The following MYO9B variants were observed in gnomAD, a reference collection of about 807,000 sequenced individuals.
The protein encoded by MYO9B is unconventional myosin-IXb.
A neutral mutation model predicts 229.5 loss-of-function variants in MYO9B; 71 were observed. The ratio of observed to expected loss-of-function variants is 0.31; its 90% CI spans 0.26 to 0.38. The LOEUF is 0.38. MYO9B is among the 10% of genes least tolerant of loss of function. The pLI is 1.00. For missense variants in MYO9B, 2,255 were observed against 2,920.5 expected (o/e 0.77, Z 5.25); for synonymous variants, 1,185 against 1,235.8 (o/e 0.96, Z 0.86).
intron 1 of MYO9B, among the ~76,000 whole-genome samples, chr19:17,081,256 G>C (rs75655336): frequency 0.018 from 2,745 of 152,200 alleles, 37 homozygotes; most frequent in South Asian, 0.044. Context: ...TTAAACTCCT[G>C]ACATCAGGTG....
chr19:17,145,984 TAGAG>T (rs960915171), intron 3 of MYO9B, among the ~76,000 whole-genome samples: 1,959 of 150,272 alleles, frequency 0.013, 40 homozygotes, highest in African/African-American at 0.046. Flanking sequence ...GATGGATGGT[TAGAG>T]AGACAGATGG....
At chr19:17,100,589 G>C (rs1320272029) in intron 1 of MYO9B, among the ~76,000 whole-genome samples, 1 of 152,210 alleles carries the variant, frequency 6.6e-6, no homozygotes, top group African/African-American at 2.4e-5. Flanking sequence ...TCTGGTAGAG[G>C]ATCCTTTCCA....
rs116797256 is a variant in MYO9B at position 17,198,412 on chromosome 19, G to A, written c.4238+104G>A. 9.8e-4 allele frequency: 1,448 copies of A among 1,480,980 alleles called. 4 individuals carry two copies. The African/African-American group carries it at 0.018, about 18-fold the overall frequency. The allele number at this position is 1,480,980 out of a possible 1,614,324, so 91.7% of individuals were successfully genotyped here. Reference sequence around the variant, plus strand: ...CTCCTAAACCAATCACGTTTACAAAGCACGTTCGCAAAGGCATTTGCTCAG... The same window carrying A: ...CTCCTAAACCAATCACGTTTACAAAACACGTTCGCAAAGGCATTTGCTCAG... On this transcript the variant is annotated intron_variant, in intron 24 of 39. Coordinates refer to ENST00000682292, the MANE Select transcript of MYO9B (RefSeq NM_004145.4).
At chr19:17,083,477 C>A (rs2057553530) in intron 1 of MYO9B, among the ~76,000 whole-genome samples, 1 of 152,092 alleles carries the variant, frequency 6.6e-6, no homozygotes, top group Non-Finnish European at 1.5e-5. Context: ...CCAGTAGCAC[C>A]CCCTGCTCTG....
chr19:17,131,798 G>A (rs2072199601), intron 2 of MYO9B, among the ~76,000 whole-genome samples: 2 of 152,052 alleles, frequency 1.3e-5, no homozygotes, highest in Non-Finnish European at 2.9e-5. Context: ...GTGACTGGGG[G>A]GAAGCTGAAT....
chr19:17,172,663 C>T lies in MYO9B; in HGVS notation c.1936-96C>T. 1.3e-6 allele frequency: 2 copies of T among 1,507,600 alleles called. No homozygotes were observed. The highest frequency in any genetic ancestry group is 1.8e-6 in the Non-Finnish European group (2 of 1,092,786). The allele number at this position is 1,507,600 out of a possible 1,614,324, so 93.4% of individuals were successfully genotyped here. ...CCATTTGCACTTAGGATGGGCCCCA[C>T]CCCACCGTCAGCCCTTCCTGCGCCA... On this transcript the variant is annotated intron_variant, in intron 12 of 39. Transcript: ENST00000682292. This position sits in a 1 kb window ranked among gnomAD's most constrained non-coding sequence, Gnocchi z 8.2.
At chr19:17,210,250 G>A (rs2073210817) in intron 36 of MYO9B, 83 bp from the exon 37 acceptor site, 1 of 1,387,254 alleles carries the variant, frequency 7.2e-7, no homozygotes, top group East Asian at 2.5e-5. Flanking sequence ...CCCTATCTTG[G>A]TACCGGTCAT....
At chr19:17,161,220 C>T (rs879411566) in intron 8 of MYO9B, among the ~76,000 whole-genome samples, 15 of 152,124 alleles carry the variant, frequency 9.9e-5, no homozygotes, top group African/African-American at 3.6e-4. Flanking sequence ...ACCCCCTCCC[C>T]GAGCCCAGGT....
At chr19:17,096,166 C>G (rs1189504032) in intron 1 of MYO9B, among the ~76,000 whole-genome samples, 2 of 152,150 alleles carry the variant, frequency 1.3e-5, no homozygotes, top group East Asian at 3.8e-4. Context: ...TTGGTTCCTT[C>G]TCATTGTTGA....
chr19:17,084,172 C>T (rs777605468), intron 1 of MYO9B, among the ~76,000 whole-genome samples: 1 of 151,724 alleles, frequency 6.6e-6, no homozygotes, highest in African/African-American at 2.4e-5. Flanking sequence ...CCCGTCTCTA[C>T]AAAAAAGATA....
chr19:17,172,350 C>T lies in MYO9B; in HGVS notation c.1808C>T (p.Thr603Met). The T allele has an allele frequency of 1.2e-6, 2 of 1,613,978 alleles. No homozygotes were observed. Among genetic ancestry groups the T allele is most frequent in the Non-Finnish European group, 8.5e-7 (1 of 1,179,872 alleles). The stretch of plus-strand genomic sequence containing the variant: ...TCTGTTCCCAGCTTCCCCCACGCCA[C>T]GAGCCAGACCCTGCTGGCCAAGTTC... ...LDEESNFPHATSQTLLAKFKQ... is the reference protein window; with the variant it reads ...LDEESNFPHAMSQTLLAKFKQ... Residue 603 changes from threonine to methionine, a missense_variant, in exon 12 of 40, where the codon ACG becomes ATG. Transcript: ENST00000682292. This position sits in a 1 kb window ranked among gnomAD's most constrained non-coding sequence, Gnocchi z 8.2.
chr19:17,149,892 G>A (rs921081846), intron 3 of MYO9B, among the ~76,000 whole-genome samples: 5 of 152,220 alleles, frequency 3.3e-5, no homozygotes, highest in African/African-American at 4.8e-5. Flanking sequence ...GATGCAGCAC[G>A]GGGAATCGGC....
At chr19:17,100,165 T>C (rs1013397141) in intron 1 of MYO9B, among the ~76,000 whole-genome samples, 5 of 148,184 alleles carry the variant, frequency 3.4e-5, no homozygotes. Context: ...ACGATATATG[T>C]GTATAAGAAA....
At chr19:17,130,094 A>G (rs1452811700) in intron 2 of MYO9B, among the ~76,000 whole-genome samples, 3 of 152,142 alleles carry the variant, frequency 2.0e-5, no homozygotes, top group African/African-American at 7.2e-5. Context: ...TGCTTGGATC[A>G]TAGATGTGAG....
At chr19:17,177,352 G>A (rs2072802049) in intron 14 of MYO9B, among the ~76,000 whole-genome samples, 2 of 151,218 alleles carry the variant, frequency 1.3e-5, no homozygotes, top group African/African-American at 4.9e-5. Flanking sequence ...TCATTGTGTG[G>A]GTTGCATTTT....
chr19:17,161,987 CAAAAAAA>C (rs71180369), intron 8 of MYO9B, among the ~76,000 whole-genome samples: 1 of 110,242 alleles, frequency 9.1e-6, no homozygotes, highest in Middle Eastern at 5.1e-3. Flanking sequence ...GACCCTGTGT[CAAAAAAA>C]AAAAAAAAAA....
At chr19:17,133,025 T>G (rs1263846678) in intron 2 of MYO9B, among the ~76,000 whole-genome samples, 1 of 151,874 alleles carries the variant, frequency 6.6e-6, no homozygotes, top group Non-Finnish European at 1.5e-5. Context: ...TTTTTGTATT[T>G]TTGGTAGAGA....
intron 30 of MYO9B, among the ~76,000 whole-genome samples, chr19:17,203,562 G>A (rs1212075528): frequency 1.3e-5 from 2 of 150,044 alleles, no homozygotes; most frequent in Admixed American, 6.7e-5. Flanking sequence ...GCAGTGAGTC[G>A]AGATCGCGCC....
At chr19:17,078,866 C>T (rs1386341491) in intron 1 of MYO9B, among the ~76,000 whole-genome samples, 1 of 152,180 alleles carries the variant, frequency 6.6e-6, no homozygotes, top group Non-Finnish European at 1.5e-5. Context: ...AGAAACAGGC[C>T]CAGGCAGGTG....
Sources: gnomAD v4.1 joint callset for allele counts (sites outside exome capture counted in the v4.1 genomes callset) on GRCh38, gnomAD v4.1.1 for gene constraint, Gnocchi (gnomAD v3.1) non-coding constraint, MANE v1.5 for transcripts, NCBI Gene and HGNC (gene_info 2026-07-23, HGNC 2026-07-21) for gene names.